FAM135A: variants seen among roughly 807,000 people sequenced by gnomAD.
FAM135A encodes protein FAM135A.
Under a neutral mutation model 146.8 loss-of-function variants are expected in FAM135A, and 79 were observed. That is an observed-to-expected ratio of 0.54 (90% CI 0.45 to 0.65). The LOEUF (loss-of-function observed/expected upper bound fraction) is 0.65, where lower values mean the gene tolerates loss of function less well. Ranked by LOEUF, FAM135A falls within the 30% of genes least tolerant of loss-of-function variation. The pLI is 0.00. For missense variants in FAM135A, 1,623 were observed against 1,758.2 expected (o/e 0.92, Z 1.38); for synonymous variants, 562 against 603.6 (o/e 0.93, Z 1.01).
At chr6:70,449,180 G>T (rs2128010163) in intron 4 of FAM135A, among the ~76,000 whole-genome samples, 1 of 151,972 alleles carries the variant, frequency 6.6e-6, no homozygotes, top group Middle Eastern at 3.4e-3. Context: ...GGAGTACAAT[G>T]TAATGTTTGG....
intron 4 of FAM135A, among the ~76,000 whole-genome samples, chr6:70,447,059 A>G (rs898485794): frequency 1.3e-5 from 2 of 152,234 alleles, no homozygotes; most frequent in Non-Finnish European, 2.9e-5. Flanking sequence ...GGGCTTTACC[A>G]ACTCCAACTA....
At chr6:70,425,817 C>G (rs538664958) in intron 2 of FAM135A, among the ~76,000 whole-genome samples, 1 of 152,144 alleles carries the variant, frequency 6.6e-6, no homozygotes, top group Non-Finnish European at 1.5e-5. Context: ...AATTAATGAG[C>G]TTAGGGCCGG....
chr6:70,501,288 G>C (rs1788447589), intron 11 of FAM135A, among the ~76,000 whole-genome samples: 1 of 152,132 alleles, frequency 6.6e-6, no homozygotes, highest in African/African-American at 2.4e-5. Flanking sequence ...AGCCTCCTTA[G>C]CACTGTCAGT....
intron 12 of FAM135A, among the ~76,000 whole-genome samples, chr6:70,521,879 G>A (rs1009681089): frequency 6.6e-6 from 1 of 152,082 alleles, no homozygotes; most frequent in Non-Finnish European, 1.5e-5. Context: ...ATGTTTTGTG[G>A]GGATGCAAAG....
At chr6:70,541,115 C>A (rs1445170715) in intron 20 of FAM135A, among the ~76,000 whole-genome samples, 3 of 152,110 alleles carry the variant, frequency 2.0e-5, no homozygotes, top group Admixed American at 2.0e-4. Context: ...GAACTCATAC[C>A]TTCTCATCAG....
intron 5 of FAM135A, among the ~76,000 whole-genome samples, chr6:70,474,258 G>GTTTCTTTTTCTT (rs149657089): frequency 1.3e-5 from 2 of 152,012 alleles, no homozygotes; most frequent in Admixed American, 6.6e-5. Context: ...TTGATCTCTA[G>GTTTCTTTTTCTT]TTTCTTTTTC....
intron 4 of FAM135A, among the ~76,000 whole-genome samples, chr6:70,444,589 A>T (rs1775294329): frequency 6.6e-6 from 1 of 152,046 alleles, no homozygotes; most frequent in African/African-American, 2.4e-5. Flanking sequence ...AAAAGAAAAA[A>T]ATTTATTTAT....
chr6:70,451,828 G>A (rs534912605), intron 4 of FAM135A, among the ~76,000 whole-genome samples: 16 of 151,446 alleles, frequency 1.1e-4, no homozygotes, highest in African/African-American at 3.4e-4. Context: ...TGTGTGTATA[G>A]GTGTATGTAT....
intron 12 of FAM135A, among the ~76,000 whole-genome samples, chr6:70,508,176 A>G (rs987669129): frequency 6.6e-6 from 1 of 152,212 alleles, no homozygotes; most frequent in Non-Finnish European, 1.5e-5. Context: ...TTTATCCACC[A>G]ATGCTGTAAG....
At chr6:70,478,758 G>T (rs1783115098) in intron 8 of FAM135A, among the ~76,000 whole-genome samples, 1 of 151,998 alleles carries the variant, frequency 6.6e-6, no homozygotes, top group African/African-American at 2.4e-5. Flanking sequence ...TAGTTTTGCT[G>T]TCTTTTTCTT....
intron 3 of FAM135A, 69 bp from the exon 4 acceptor site, chr6:70,428,235 A>G: frequency 1.5e-6 from 1 of 687,216 alleles, no homozygotes; most frequent in Non-Finnish European, 2.4e-6. Context: ...ATATGTATAA[A>G]TAATAGCATT....
intron 4 of FAM135A, among the ~76,000 whole-genome samples, chr6:70,450,612 T>G (rs1259826511): frequency 6.6e-6 from 1 of 152,020 alleles, no homozygotes; most frequent in Non-Finnish European, 1.5e-5. Flanking sequence ...TCTGTCCTGT[T>G]GCATTGGTTG....
At chr6:70,465,413 G>T (rs1399577297) in intron 5 of FAM135A, among the ~76,000 whole-genome samples, 2 of 152,032 alleles carry the variant, frequency 1.3e-5, no homozygotes, top group Admixed American at 6.6e-5. Flanking sequence ...TTATATAGTA[G>T]TTCTATTTTT....
chr6:70,435,139 T>C (rs9446249), intron 4 of FAM135A, among the ~76,000 whole-genome samples: 3,004 of 147,262 alleles, frequency 0.02, 100 homozygotes, highest in African/African-American at 0.071. Flanking sequence ...GGAGTCTCAC[T>C]CTTGCCCAGG....
At chr6:70,502,819 C>T (rs970475538) in intron 12 of FAM135A, 28 bp downstream of exon 12, 3 of 1,590,112 alleles carry the variant, frequency 1.9e-6, no homozygotes, top group Non-Finnish European at 2.6e-6. Flanking sequence ...GATTTTAGAG[C>T]ATTTTAATGA....
At chr6:70,418,511 G>A (rs1768035827) in intron 2 of FAM135A, 1 of 152,204 alleles carries the variant, frequency 6.6e-6, no homozygotes, top group African/African-American at 2.4e-5. Flanking sequence ...CTTACTTTTA[G>A]TAGAGACAGG....
chr6:70,427,514 A>G (rs1268471646), intron 3 of FAM135A, among the ~76,000 whole-genome samples: 2 of 151,412 alleles, frequency 1.3e-5, no homozygotes, highest in Non-Finnish European at 2.9e-5. Flanking sequence ...CCTGGGTGAC[A>G]GAGCGAGACT....
At chr6:70,537,258 G>A (rs542295859) in intron 19 of FAM135A, among the ~76,000 whole-genome samples, 59 of 152,134 alleles carry the variant, frequency 3.9e-4, no homozygotes, top group African/African-American at 1.3e-3. Flanking sequence ...GTTTGGCTTG[G>A]TTTTTCCCTT....
chr6:70,482,622 C>T (rs967512029), intron 10 of FAM135A, among the ~76,000 whole-genome samples: 1 of 151,998 alleles, frequency 6.6e-6, no homozygotes. Flanking sequence ...AATAACATTA[C>T]TTAGTATTTT....
Sources: allele counts gnomAD v4.1 joint callset (sites outside exome capture counted in the v4.1 genomes callset), GRCh38; gene constraint gnomAD v4.1.1; transcripts MANE v1.5; gene names NCBI Gene and HGNC (gene_info 2026-07-23, HGNC 2026-07-21).